Variants in LRRFIP1 observed in about 807,000 individuals in gnomAD.
The protein encoded by LRRFIP1 is leucine-rich repeat flightless-interacting protein 1.
A neutral mutation model predicts 104.4 loss-of-function variants in LRRFIP1; 62 were observed. The ratio of observed to expected loss-of-function variants is 0.59; its 90% CI spans 0.48 to 0.73. The LOEUF (loss-of-function observed/expected upper bound fraction) is 0.73. Ranked by LOEUF, LRRFIP1 falls within the 30% of genes least tolerant of loss-of-function variation. The pLI is 0.00. For synonymous variants in LRRFIP1, 300 were observed against 299.0 expected (o/e 1.00, Z -0.03); for missense variants, 796 against 824.5 (o/e 0.97, Z 0.42).
chr2:237,778,552 G>A (rs539996078), intron 23 of LRRFIP1, among the ~76,000 whole-genome samples: 5 of 152,278 alleles, frequency 3.3e-5, no homozygotes, highest in South Asian at 2.1e-4. Flanking sequence ...GACCACCTTC[G>A]CCATGCAGTC....
At chr2:237,769,754 T>A in intron 19 of LRRFIP1, 189 bp from the exon 20 acceptor site, 1 of 573,094 alleles carries the variant, frequency 1.7e-6, no homozygotes, top group Non-Finnish European at 3.2e-6. Flanking sequence ...TTCTGGGAGG[T>A]TGACCCAACC....
intron 17 of LRRFIP1, among the ~76,000 whole-genome samples, chr2:237,758,185 A>G (rs1172817184): frequency 6.7e-6 from 1 of 150,082 alleles, no homozygotes; most frequent in Non-Finnish European, 1.5e-5. Flanking sequence ...GACTCAAGCC[A>G]CACTGTGTTT....
chr2:237,659,041 C>T (rs751946967), intron 1 of LRRFIP1, among the ~76,000 whole-genome samples: 1 of 152,096 alleles, frequency 6.6e-6, no homozygotes. Context: ...CTTTTCTATA[C>T]AGTAAAAGGG....
Position 237,769,977 on chromosome 2 carries a change from A to G in LRRFIP1, c.1494A>G (p.Glu498=). 4 of 1,604,666 alleles carry G rather than the reference A, an allele frequency of 2.5e-6. No individual in the cohort carries two copies. The highest frequency in any genetic ancestry group is 3.4e-6 in the Non-Finnish European group (4 of 1,174,988). Residue 498 remains glutamate, a synonymous_variant, in exon 20 of 24, where the codon GAA becomes GAG. Transcript: ENST00000308482. ...IRLKKLVDER[E]CLLEQIKKLK... ...TGAAAAAGCTGGTTGATGAACGGGA[A>G]TGCTTATTGGAACAGGTAACAATCT...
At chr2:237,640,715 T>C (rs2083821208) in intron 1 of LRRFIP1, among the ~76,000 whole-genome samples, 1 of 152,226 alleles carries the variant, frequency 6.6e-6, no homozygotes. Flanking sequence ...CCCTGCTGCC[T>C]CAGCCCTGGG....
At chr2:237,700,244 G>A (rs1022128844) in intron 1 of LRRFIP1, among the ~76,000 whole-genome samples, 5 of 152,282 alleles carry the variant, frequency 3.3e-5, no homozygotes, top group South Asian at 4.1e-4. Flanking sequence ...AAGGGATCCC[G>A]TGTCACAGCC....
rs994008007 is a variant in LRRFIP1 at position 237,703,199 on chromosome 2, A to C, written c.97-5345A>C. On this transcript the variant is annotated intron_variant, in intron 1 of 23. Transcript: ENST00000308482. This position sits in a 1 kb window ranked among gnomAD's most constrained non-coding sequence, Gnocchi z 4.3. The stretch of plus-strand genomic sequence containing the variant: ...AACCTGCAGGCCGTCTGGGGTATGC[A>C]CAGTCTCGTCTCCTGAGTTCTCTGA... Among the ~76,000 whole-genome samples, 11 of 152,142 alleles carry C rather than the reference A, an allele frequency of 7.2e-5. No homozygotes were observed. Among genetic ancestry groups the C allele is most frequent in the Admixed American group, 5.2e-4 (8 of 15,268 alleles).
At position 237,717,331 on chromosome 2, in the gene LRRFIP1, C is replaced by T. The variant is rs1009373933; in HGVS notation, c.202-431C>T. On this transcript the variant is annotated intron_variant, in intron 3 of 23. Coordinates refer to ENST00000308482, the MANE Select transcript of LRRFIP1 (RefSeq NM_001137550.2). The surrounding 1 kb of genome is among the most constrained non-coding windows in gnomAD (Gnocchi z 4.2). ...GTTTCTCCCCTTCTCCTCTCAGTTTCCCTGAGGTCCCAACACCGGAATGGC... is the reference window on the plus strand; with the variant it reads ...GTTTCTCCCCTTCTCCTCTCAGTTTTCCTGAGGTCCCAACACCGGAATGGC... 3.9e-5 allele frequency among the ~76,000 whole-genome samples: 6 copies of T among 152,344 alleles called. No individual in the cohort carries two copies. The highest frequency in any genetic ancestry group is 1.4e-4 in the African/African-American group (6 of 41,578).
intron 1 of LRRFIP1, among the ~76,000 whole-genome samples, chr2:237,671,280 T>A (rs973795453): frequency 6.6e-6 from 1 of 152,194 alleles, no homozygotes; most frequent in Non-Finnish European, 1.5e-5. Flanking sequence ...CATACAGATC[T>A]GAGAGCCAGA....
Position 237,748,593 on chromosome 2 carries a change from G to GTCCGGTGTGCGT in LRRFIP1, c.669+195_669+196insCCGGTGTGCGTT, listed in dbSNP as rs1303220546. ...TCCTGTCCGGTGTGCGTTAGATCCT[G>GTCCGGTGTGCGT]TAGAGCAGGGAGGCGTTTATAATGG... On this transcript the variant is annotated intron_variant, in intron 12 of 23. Coordinates refer to ENST00000308482, the MANE Select transcript of LRRFIP1 (RefSeq NM_001137550.2). 8.5e-5 allele frequency among the ~76,000 whole-genome samples: 13 copies of GTCCGGTGTGCGT among 152,206 alleles called. No homozygotes were observed. The East Asian group carries it at 2.3e-3, about 27-fold the overall frequency.
Position 237,662,395 on chromosome 2 carries a change from C to T in LRRFIP1, c.96+34655C>T, listed in dbSNP as rs750169486. On this transcript the variant is annotated intron_variant, in intron 1 of 23. Coordinates refer to ENST00000308482, the MANE Select transcript of LRRFIP1 (RefSeq NM_001137550.2). ...TGAACTTTTGGGGGATGTTACTGAA[C>T]GCAGTGCAGGGTTCTTACATTCTCA... 2.6e-4 allele frequency among the ~76,000 whole-genome samples: 39 copies of T among 152,244 alleles called. 1 individual carries two copies. The highest frequency in any genetic ancestry group is 3.3e-4 in the Admixed American group (5 of 15,286).
At chr2:237,759,836 GC>G (rs908653760) in intron 18 of LRRFIP1, among the ~76,000 whole-genome samples, 6 of 152,264 alleles carry the variant, frequency 3.9e-5, no homozygotes, top group African/African-American at 1.4e-4. Flanking sequence ...GCAAATGAAA[GC>G]ATGGATTGGA....
rs760276427 is a variant in LRRFIP1, at chr2:237,719,576, C to T, written c.294+9C>T. ...CCAGAAGAAACACATCGGTTAGTACCGTGTTCATTCATTACTTGGGCAATT... is the reference window on the plus strand; with the variant it reads ...CCAGAAGAAACACATCGGTTAGTACTGTGTTCATTCATTACTTGGGCAATT... On this transcript the variant is annotated intron_variant, in intron 5 of 23. Transcript: ENST00000308482. 52 of 1,606,684 alleles carry T rather than the reference C, an allele frequency of 3.2e-5. No individual in the cohort carries two copies. The highest frequency in any genetic ancestry group is 4.4e-5 in the Non-Finnish European group (52 of 1,174,650).
chr2:237,635,778 A>G (rs747943182), intron 1 of LRRFIP1, among the ~76,000 whole-genome samples: 14 of 152,036 alleles, frequency 9.2e-5, no homozygotes, highest in Non-Finnish European at 1.8e-4. Flanking sequence ...TGGGCAACAT[A>G]GTGAGACCCC....
chr2:237,697,037 T>C (rs2093235311), intron 1 of LRRFIP1, among the ~76,000 whole-genome samples: 2 of 152,244 alleles, frequency 1.3e-5, no homozygotes, highest in Admixed American at 1.3e-4. Flanking sequence ...TTCTTTTTTT[T>C]TATTGAGACA....
chr2:237,680,143 C>T (rs527958895), intron 1 of LRRFIP1, among the ~76,000 whole-genome samples: 1 of 152,212 alleles, frequency 6.6e-6, no homozygotes, highest in Non-Finnish European at 1.5e-5. Flanking sequence ...GTGGGTTCCA[C>T]ATTCATGGAT....
At position 237,769,863 on chromosome 2, in the gene LRRFIP1, G is replaced by A. The variant is rs573633703; in HGVS notation, c.1460-80G>A. On this transcript the variant is annotated intron_variant, in intron 19 of 23. Coordinates refer to ENST00000308482, the MANE Select transcript of LRRFIP1 (RefSeq NM_001137550.2). Reference sequence around the variant, plus strand: ...CATCATTCATTTCACTAACCTGAACGATCATTCTTCAGTTTAGCAATGTGC... The same window carrying A: ...CATCATTCATTTCACTAACCTGAACAATCATTCTTCAGTTTAGCAATGTGC... 2.3e-4 allele frequency: 235 copies of A among 1,017,390 alleles called. 1 individual carries two copies. In the African/African-American group the frequency reaches 3.1e-3, roughly 14 times the overall value. 63.0% of individuals were successfully genotyped at this position (1,017,390 alleles called of 1,614,324 possible).
chr2:237,729,835 A>T, intron 8 of LRRFIP1: 1 of 985,242 alleles, frequency 1.0e-6, no homozygotes, highest in Non-Finnish European at 1.2e-6. Flanking sequence ...TCCAGGGAGG[A>T]GAAGTTGGTT....
At chr2:237,753,544 C>G (rs2058888679) in intron 15 of LRRFIP1, 65 bp downstream of exon 15, 1 of 1,400,578 alleles carries the variant, frequency 7.1e-7, no homozygotes, top group African/African-American at 1.5e-5. Flanking sequence ...GCCTGTAATT[C>G]TGGTACTTTG....
Sources: allele counts gnomAD v4.1 joint callset (sites outside exome capture counted in the v4.1 genomes callset), GRCh38; gene constraint gnomAD v4.1.1; non-coding constraint Gnocchi (gnomAD v3.1); transcripts MANE v1.5; gene names NCBI Gene and HGNC (gene_info 2026-07-23, HGNC 2026-07-21).